Variants in SH3BP4 observed in about 807,000 individuals in gnomAD.
The protein encoded by SH3BP4 is SH3 domain binding protein 4.
In SH3BP4, 33 loss-of-function variants were observed where a neutral mutation model predicts 65.5. That is an observed-to-expected ratio of 0.50 (90% CI 0.38 to 0.67). SH3BP4 has a LOEUF of 0.67. Ranked by LOEUF, SH3BP4 falls within the 30% of genes least tolerant of loss-of-function variation. The pLI is 0.00. For missense variants in SH3BP4, 1,134 were observed against 1,261.4 expected (o/e 0.90, Z 1.53); for synonymous variants, 552 against 545.5 (o/e 1.01, Z -0.17).
chr2:234,963,335 T>C (rs990621657), intron 1 of SH3BP4, among the ~76,000 whole-genome samples: 7 of 152,226 alleles, frequency 4.6e-5, no homozygotes, highest in Admixed American at 6.5e-5. Flanking sequence ...GAAGAACTTA[T>C]AATTATATTA....
At position 235,020,581 on chromosome 2, in the gene SH3BP4, C is replaced by T. The variant is rs548424086; in HGVS notation, c.-132-14290C>T. On this transcript the variant is annotated intron_variant, in intron 2 of 5. Transcript: ENST00000392011. ...TATAATCGGAAAAGGAGACGGCATTCATGGCGATGACAACATCCAAACCCA... is the reference window on the plus strand; with the variant it reads ...TATAATCGGAAAAGGAGACGGCATTTATGGCGATGACAACATCCAAACCCA... Among the ~76,000 whole-genome samples, 179 of 152,292 alleles carry T rather than the reference C, an allele frequency of 1.2e-3. 1 individual carries two copies. The highest frequency in any genetic ancestry group is 4.3e-3 in the African/African-American group (177 of 41,562).
intron 2 of SH3BP4, among the ~76,000 whole-genome samples, chr2:235,029,042 C>T (rs1695094168): frequency 1.3e-5 from 2 of 152,188 alleles, no homozygotes; most frequent in African/African-American, 4.8e-5. Flanking sequence ...ACTGACTTTT[C>T]AAAATGTTCC....
chr2:234,985,466 C>T (rs1326152214), intron 1 of SH3BP4, among the ~76,000 whole-genome samples: 2 of 152,186 alleles, frequency 1.3e-5, no homozygotes, highest in African/African-American at 4.8e-5. Context: ...GCATTTTTGA[C>T]CCTCTGTGCA....
chr2:234,970,006 C>G (rs1484038037), intron 1 of SH3BP4, among the ~76,000 whole-genome samples: 1 of 149,766 alleles, frequency 6.7e-6, no homozygotes, highest in Non-Finnish European at 1.5e-5. Context: ...CACTCGCTGT[C>G]TCACACACAC....
chr2:234,998,421 C>T (rs770748514), intron 2 of SH3BP4, among the ~76,000 whole-genome samples: 7 of 152,244 alleles, frequency 4.6e-5, no homozygotes, highest in South Asian at 2.1e-4. Context: ...ACCCACTCTT[C>T]GCAGGGCGAC....
At position 235,033,128 on chromosome 2, in the gene SH3BP4, C is replaced by T. The variant is rs1433576090; in HGVS notation, c.-132-1743C>T. 6.6e-6 allele frequency among the ~76,000 whole-genome samples: 1 copy of T among 152,162 alleles called. No homozygotes were observed. The highest frequency in any genetic ancestry group is 1.5e-5 in the Non-Finnish European group (1 of 68,020). ...GCTCTGCCGCTCCCCAGAGAGGTGG[C>T]CACCATGCCCTCCTCTCCTGCCGCC... On this transcript the variant is annotated intron_variant, in intron 2 of 5. Coordinates refer to ENST00000392011, the MANE Select transcript of SH3BP4 (RefSeq NM_014521.3). This position sits in a 1 kb window ranked among gnomAD's most constrained non-coding sequence, Gnocchi z 5.7.
At chr2:234,979,254 C>G (rs3795963) in intron 1 of SH3BP4, among the ~76,000 whole-genome samples, 44,208 of 152,096 alleles carry the variant, frequency 0.29, 7,738 homozygotes, top group East Asian at 0.84. Context: ...CCCTTTGCCC[C>G]TCCCAATCCC....
Position 234,952,472 on chromosome 2 carries a change from G to GC in SH3BP4, c.-207+308dup, listed in dbSNP as rs1349771284. Among the ~76,000 whole-genome samples the GC allele has an allele frequency of 5.9e-5, 9 of 151,294 alleles. No individual in the cohort carries two copies. Among genetic ancestry groups the GC allele is most frequent in the Non-Finnish European group, 1.2e-4 (8 of 67,770 alleles). On this transcript the variant is annotated intron_variant, in intron 1 of 5. Transcript: ENST00000392011. The surrounding 1 kb of genome is among the most constrained non-coding windows in gnomAD (Gnocchi z 6.5). ...GCAGCCCTCCGCGTGCGCTCGGGCCGCCCCCCAACCCCGGCTCTGGCCACT... is the reference window on the plus strand; with the variant it reads ...GCAGCCCTCCGCGTGCGCTCGGGCCGCCCCCCCAACCCCGGCTCTGGCCACT...
chr2:235,016,871 G>A (rs563225092), intron 2 of SH3BP4, among the ~76,000 whole-genome samples: 1 of 152,034 alleles, frequency 6.6e-6, no homozygotes, highest in Admixed American at 6.5e-5. Flanking sequence ...CATCCCTTCC[G>A]AGCTAATGCA....
intron 2 of SH3BP4, among the ~76,000 whole-genome samples, chr2:235,027,760 C>T (rs905598900): frequency 6.6e-6 from 1 of 152,176 alleles, no homozygotes; most frequent in African/African-American, 2.4e-5. Flanking sequence ...CGTTCAGGTT[C>T]GTGGCCGCAG....
chr2:235,012,724 G>T (rs532812935), intron 2 of SH3BP4, among the ~76,000 whole-genome samples: 6 of 152,124 alleles, frequency 3.9e-5, no homozygotes, highest in Admixed American at 2.0e-4. Flanking sequence ...CCTAAAATGC[G>T]TTTCCATCTC....
intron 1 of SH3BP4, among the ~76,000 whole-genome samples, chr2:234,992,375 A>G (rs1004424720): frequency 4.6e-5 from 7 of 152,180 alleles, no homozygotes; most frequent in Admixed American, 2.0e-4. Flanking sequence ...CCATGGCCTC[A>G]GTAGCCCCCA....
chr2:235,029,313 T>G (rs1264485048), intron 2 of SH3BP4, among the ~76,000 whole-genome samples: 1 of 146,334 alleles, frequency 6.8e-6, no homozygotes, highest in Admixed American at 6.6e-5. Context: ...GGGCAGGGGT[T>G]TGGGGCAAGC....
rs1194730632 is a variant in SH3BP4 at position 235,005,562 on chromosome 2, A to G, written c.-133+10186A>G. 4.6e-5 allele frequency among the ~76,000 whole-genome samples: 7 copies of G among 152,216 alleles called. No homozygotes were observed. In the East Asian group the frequency reaches 7.8e-4, roughly 17 times the overall value. ...AAGGCAGGCCCAGAACCTGCATTTT[A>G]ACAAATCTTCCCCTGACACCTTGAG... On this transcript the variant is annotated intron_variant, in intron 2 of 5. Coordinates refer to ENST00000392011, the MANE Select transcript of SH3BP4 (RefSeq NM_014521.3).
At position 235,030,228 on chromosome 2, in the gene SH3BP4, C is replaced by T. The variant is rs1695139055; in HGVS notation, c.-132-4643C>T. ...GGTGGATGGTGAGGAGCTTGAGGAG[C>T]TCCAGGGGCCCAGCAGCCACTGGCA... On this transcript the variant is annotated intron_variant, in intron 2 of 5. Transcript: ENST00000392011. This position sits in a 1 kb window ranked among gnomAD's most constrained non-coding sequence, Gnocchi z 4.1. Among the ~76,000 whole-genome samples the T allele has an allele frequency of 6.6e-6, 1 of 152,124 alleles. No individual in the cohort carries two copies. Among genetic ancestry groups the T allele is most frequent in the Non-Finnish European group, 1.5e-5 (1 of 68,030 alleles).
Position 235,037,504 on chromosome 2 carries a change from T to A in SH3BP4, c.118+2384T>A, listed in dbSNP as rs1574839892. Among the ~76,000 whole-genome samples, 6 of 152,350 alleles carry A rather than the reference T, an allele frequency of 3.9e-5. No homozygotes were observed. The South Asian group carries it at 1.2e-3, about 32-fold the overall frequency. On this transcript the variant is annotated intron_variant, in intron 3 of 5. Transcript: ENST00000392011. ...TCTTCAGTTGGATAAAACTGAATGA[T>A]AATTCTCATTGATACATTCTAGGCT...
In SH3BP4 at chr2:235,005,617, G is replaced by A. The variant is rs180675187; in HGVS notation, c.-133+10241G>A. On this transcript the variant is annotated intron_variant, in intron 2 of 5. Transcript: ENST00000392011. Reference sequence around the variant, plus strand: ...TCAGAGCTGCTGAACCCCCGCCTCCGCCACCCTGCTTAGTTGTTGATCTTG... The same window carrying A: ...TCAGAGCTGCTGAACCCCCGCCTCCACCACCCTGCTTAGTTGTTGATCTTG... 2.2e-4 allele frequency among the ~76,000 whole-genome samples: 34 copies of A among 152,228 alleles called. No individual in the cohort carries two copies. The East Asian group carries it at 4.8e-3, about 22-fold the overall frequency.
rs1295545938 is a variant in SH3BP4, at chr2:235,045,187, G to A, written c.2478+1940G>A. 6.6e-6 allele frequency among the ~76,000 whole-genome samples: 1 copy of A among 152,186 alleles called. No homozygotes were observed. The highest frequency in any genetic ancestry group is 6.5e-5 in the Admixed American group (1 of 15,288). ...GCGCCTCCATCCCGTGAGAGCCTCT[G>A]TGCGGGCGGCCCCGAGACCACAGCC... On this transcript the variant is annotated intron_variant, in intron 4 of 5. Transcript: ENST00000392011. This position sits in a 1 kb window ranked among gnomAD's most constrained non-coding sequence, Gnocchi z 4.3.
In SH3BP4 at chr2:235,033,030, A is replaced by G. The variant is rs983392394; in HGVS notation, c.-132-1841A>G. Among the ~76,000 whole-genome samples, 2 of 151,914 alleles carry G rather than the reference A, an allele frequency of 1.3e-5. No homozygotes were observed. The highest frequency in any genetic ancestry group is 6.5e-5 in the Admixed American group (1 of 15,270). On this transcript the variant is annotated intron_variant, in intron 2 of 5. Transcript: ENST00000392011. The surrounding 1 kb of genome is among the most constrained non-coding windows in gnomAD (Gnocchi z 5.7). ...TGGCCTCCACTCTGCCCCTCCTTAC[A>G]CTGCTGGGTAGGAGAGACGGCGGGG...
Sources: gnomAD v4.1 joint callset for allele counts (sites outside exome capture counted in the v4.1 genomes callset) on GRCh38, gnomAD v4.1.1 for gene constraint, Gnocchi (gnomAD v3.1) non-coding constraint, MANE v1.5 for transcripts, NCBI Gene and HGNC (gene_info 2026-07-23, HGNC 2026-07-21) for gene names.